MIR2052HG: variants seen among roughly 807,000 people sequenced by gnomAD.
MIR2052HG encodes the protein MIR2052 host gene.
At chr8:74,603,567 G>T in intron 1 of MIR2052HG, 1 of 1,545,232 alleles carries the variant, frequency 6.5e-7, no homozygotes. Context: ...ATCCAGTGTT[G>T]CCATGCGTCA....
intron 2 of MIR2052HG, among the ~76,000 whole-genome samples, chr8:74,621,068 C>T (rs1187491810): frequency 3.3e-5 from 5 of 152,322 alleles, no homozygotes; most frequent in Non-Finnish European, 5.9e-5. Context: ...GTGACCTTTA[C>T]TGCAGTTGCC....
At chr8:74,697,996 G>GA (rs1269879620) in intron 2 of MIR2052HG, among the ~76,000 whole-genome samples, 4 of 151,988 alleles carry the variant, frequency 2.6e-5, no homozygotes, top group African/African-American at 7.3e-5. Context: ...CACAGAACTA[G>GA]AAAAAATAAT....
intron 4 of MIR2052HG, among the ~76,000 whole-genome samples, chr8:74,716,909 T>A (rs2128742159): frequency 6.6e-6 from 1 of 152,342 alleles, no homozygotes; most frequent in African/African-American, 2.4e-5. Context: ...ATATACTGGC[T>A]ATGAATATTA....
intron 2 of MIR2052HG, among the ~76,000 whole-genome samples, chr8:74,630,528 G>GGA (rs375000242): frequency 4.4e-4 from 55 of 126,078 alleles, no homozygotes; most frequent in African/African-American, 1.6e-3. Flanking sequence ...AGATTTCTCT[G>GGA]AAAAAAAAAA....
rs570932251 is a variant in MIR2052HG, at chr8:74,648,570, A to G, written n.216+35630A>G. Reference sequence around the variant, plus strand: ...AAAAACTTGCTGGTTTTGCAGCTCAAGGTCGCCATCACGGTCCTACCAATA... The same window carrying G: ...AAAAACTTGCTGGTTTTGCAGCTCAGGGTCGCCATCACGGTCCTACCAATA... On this transcript the variant is annotated intron_variant and non_coding_transcript_variant, in intron 2 of 6. Coordinates refer to ENST00000523442, the Ensembl canonical transcript of MIR2052HG. 3.2e-4 allele frequency among the ~76,000 whole-genome samples: 48 copies of G among 152,216 alleles called. 1 individual carries two copies. In the South Asian group the frequency reaches 9.1e-3, roughly 29 times the overall value.
chr8:74,649,647 AT>A (rs1808731860), intron 2 of MIR2052HG, among the ~76,000 whole-genome samples: 1 of 152,110 alleles, frequency 6.6e-6, no homozygotes, highest in Non-Finnish European at 1.5e-5. Flanking sequence ...ATTTTTAAAT[AT>A]TTTGTGTTTA....
intron 2 of MIR2052HG, among the ~76,000 whole-genome samples, chr8:74,690,590 G>T (rs1468014520): frequency 1.3e-5 from 2 of 152,006 alleles, no homozygotes; most frequent in Admixed American, 6.5e-5. Flanking sequence ...GGAGTTTGCA[G>T]ATCCGAGCCG....
intron 1 of MIR2052HG, among the ~76,000 whole-genome samples, chr8:74,604,902 A>G (rs995712251): frequency 3.3e-5 from 5 of 149,632 alleles, no homozygotes; most frequent in African/African-American, 1.2e-4. Flanking sequence ...CCGTTTCTTT[A>G]CTTCTTTAAT....
intron 2 of MIR2052HG, among the ~76,000 whole-genome samples, chr8:74,656,847 T>C (rs2128736608): frequency 6.6e-6 from 1 of 152,316 alleles, no homozygotes; most frequent in Non-Finnish European, 1.5e-5. Context: ...TTGTAGCTTT[T>C]CAGGGACAAA....
At chr8:74,620,967 C>A (rs577368502) in intron 2 of MIR2052HG, among the ~76,000 whole-genome samples, 1 of 152,346 alleles carries the variant, frequency 6.6e-6, no homozygotes, top group South Asian at 2.1e-4. Context: ...ATTTCTTCCA[C>A]CAAATACTCT....
chr8:74,721,453 G>T (rs966102086), intron 4 of MIR2052HG, among the ~76,000 whole-genome samples: 3 of 152,138 alleles, frequency 2.0e-5, no homozygotes, highest in Non-Finnish European at 4.4e-5. Context: ...CTTGGTCAAT[G>T]GTGCAGCTGC....
At chr8:74,646,385 A>G (rs575622250) in intron 2 of MIR2052HG, among the ~76,000 whole-genome samples, 10 of 152,334 alleles carry the variant, frequency 6.6e-5, no homozygotes, top group East Asian at 1.9e-4. Flanking sequence ...GTTATAATCC[A>G]TACTGGTGTT....
intron 4 of MIR2052HG, among the ~76,000 whole-genome samples, chr8:74,703,899 G>A (rs896237295): frequency 6.6e-6 from 1 of 152,000 alleles, no homozygotes; most frequent in Non-Finnish European, 1.5e-5. Context: ...GATAAGCACC[G>A]GTGCTACCAT....
chr8:74,697,354 A>G (rs1809309389), intron 2 of MIR2052HG, among the ~76,000 whole-genome samples: 2 of 152,208 alleles, frequency 1.3e-5, no homozygotes, highest in Non-Finnish European at 1.5e-5. Context: ...ATCTATGACA[A>G]ATCCACCGCC....
chr8:74,661,785 A>T (rs1035085782), intron 2 of MIR2052HG, among the ~76,000 whole-genome samples: 1 of 152,184 alleles, frequency 6.6e-6, no homozygotes, highest in East Asian at 1.9e-4. Flanking sequence ...TGAGAAACAG[A>T]GCTAGGTATA....
At chr8:74,612,920 G>C (rs1379627827) in exon 2 of MIR2052HG, 1 of 456,142 alleles carries the variant, frequency 2.2e-6, no homozygotes, top group Non-Finnish European at 4.4e-6. Context: ...GCCAGAAAAG[G>C]ATCCAGAACT....
chr8:74,655,379 A>C (rs1423845755), intron 2 of MIR2052HG, among the ~76,000 whole-genome samples: 1 of 152,140 alleles, frequency 6.6e-6, no homozygotes, highest in Non-Finnish European at 1.5e-5. Context: ...TGGACCCAGA[A>C]GCCTAGGAGG....
chr8:74,739,283 C>T (rs146286641), intron 4 of MIR2052HG, among the ~76,000 whole-genome samples: 3 of 152,264 alleles, frequency 2.0e-5, no homozygotes, highest in Non-Finnish European at 4.4e-5. Context: ...CTTTTTACTG[C>T]TTTGTATCCA....
At chr8:74,639,334 CT>C (rs532827032) in intron 2 of MIR2052HG, among the ~76,000 whole-genome samples, 77 of 152,274 alleles carry the variant, frequency 5.1e-4, no homozygotes, top group African/African-American at 1.5e-3. Flanking sequence ...CACATTCTCA[CT>C]TTTATGTTCA....
Sources: gnomAD v4.1 joint callset for allele counts (sites outside exome capture counted in the v4.1 genomes callset) on GRCh38, gnomAD v4.1.1 for gene constraint, MANE v1.5 for transcripts, NCBI Gene and HGNC (gene_info 2026-07-23, HGNC 2026-07-21) for gene names.